The following PIK3R1 variants were observed in gnomAD, a reference collection of about 807,000 sequenced individuals.
PIK3R1 encodes the protein phosphoinositide-3-kinase regulatory subunit 1, also known as phosphatidylinositol 3-kinase regulatory subunit alpha.
PIK3R1 carries 29 observed loss-of-function variants against 98.0 expected under a neutral mutation model. The observed-to-expected ratio is 0.30, with a 90% CI of 0.22 to 0.40. The LOEUF is 0.40. Among genes scored for constraint, PIK3R1 ranks in the 10% least tolerant of loss-of-function variants. The pLI is 1.00. For synonymous variants in PIK3R1, 282 were observed against 311.8 expected, an observed-to-expected ratio of 0.90 and a Z score of 1.01; for missense variants, 596 against 872.7, an observed-to-expected ratio of 0.68 and a Z score of 3.99.
chr5:68,279,951 G>A (rs951598412), intron 5 of PIK3R1, among the ~76,000 whole-genome samples: 5 of 152,200 alleles, frequency 3.3e-5, no homozygotes, highest in Non-Finnish European at 5.9e-5. Context: ...GTCAGAATCA[G>A]AAATGGCTCA....
chr5:68,245,032 T>A (rs1446909042), intron 2 of PIK3R1, among the ~76,000 whole-genome samples: 2 of 152,188 alleles, frequency 1.3e-5, no homozygotes, highest in Non-Finnish European at 2.9e-5. Context: ...TCCAAGTCAC[T>A]CTGCTTTGGG....
In PIK3R1 at chr5:68,280,743, G is replaced by A. The variant is rs765307665; in HGVS notation, c.836+14G>A. ...CTCAGCAGCCAGGTAAGTGAAAGGA[G>A]ACAAACATGTATTTTGGGGTGATGA... On this transcript the variant is annotated intron_variant, in intron 6 of 15. Transcript: ENST00000521381. 10 of 1,610,548 alleles carry A rather than the reference G, an allele frequency of 6.2e-6. No homozygotes were observed. The highest frequency in any genetic ancestry group is 7.6e-6 in the Non-Finnish European group (9 of 1,176,902).
At chr5:68,296,069 G>A in intron 14 of PIK3R1, 102 bp from the exon 15 acceptor site, 1 of 1,124,658 alleles carries the variant, frequency 8.9e-7, no homozygotes, top group Non-Finnish European at 1.3e-6. Context: ...GGCTTGGTAG[G>A]GGCCAGGAGG....
At chr5:68,249,207 G>C (rs1234353435) in intron 2 of PIK3R1, among the ~76,000 whole-genome samples, 1 of 152,110 alleles carries the variant, frequency 6.6e-6, no homozygotes, top group Non-Finnish European at 1.5e-5. Flanking sequence ...AGGAATATAT[G>C]CTTACTCATT....
chr5:68,279,932 C>T (rs1349652818), intron 5 of PIK3R1, among the ~76,000 whole-genome samples, 199 bp downstream of exon 5: 1 of 152,138 alleles, frequency 6.6e-6, no homozygotes, highest in Non-Finnish European at 1.5e-5. Context: ...TTGGGAAGCC[C>T]GTCTGCATGT....
intron 5 of PIK3R1, chr5:68,280,244 T>C (rs1219674675): frequency 4.3e-6 from 2 of 462,454 alleles, no homozygotes; most frequent in Admixed American, 3.9e-5. Flanking sequence ...CCAATCACAC[T>C]TGAAGCTGCT....
chr5:68,269,850 G>T (rs561564601), intron 2 of PIK3R1, among the ~76,000 whole-genome samples: 7 of 150,604 alleles, frequency 4.6e-5, no homozygotes, highest in African/African-American at 9.8e-5. Context: ...CAGACATTTT[G>T]TACTAAGGAA....
At chr5:68,242,273 T>C (rs251407) in intron 2 of PIK3R1, among the ~76,000 whole-genome samples, 133,334 of 152,264 alleles carry the variant, frequency 0.88, 58,734 homozygotes, top group African/African-American at 0.97. Flanking sequence ...ACTTAGAGGT[T>C]TTGGGGCTAG....
At chr5:68,270,709 TAATA>T (rs2112153906) in intron 2 of PIK3R1, among the ~76,000 whole-genome samples, 1 of 152,314 alleles carries the variant, frequency 6.6e-6, no homozygotes, top group Admixed American at 6.5e-5. Flanking sequence ...TAATGGATCT[TAATA>T]AATAACACTT....
chr5:68,284,592 T>C (rs1747003858), intron 7 of PIK3R1, among the ~76,000 whole-genome samples: 1 of 152,256 alleles, frequency 6.6e-6, no homozygotes, highest in South Asian at 2.1e-4. Flanking sequence ...CCGTTTTATA[T>C]GCAAGTTAAG....
chr5:68,220,422 G>C (rs116634876), intron 1 of PIK3R1, among the ~76,000 whole-genome samples: 2 of 152,104 alleles, frequency 1.3e-5, no homozygotes, highest in Non-Finnish European at 2.9e-5. Context: ...TGGGTGATAG[G>C]ATCTGTCTGT....
chr5:68,229,884 G>T (rs538417629), intron 2 of PIK3R1, among the ~76,000 whole-genome samples: 10 of 152,338 alleles, frequency 6.6e-5, no homozygotes, highest in Admixed American at 2.6e-4. Context: ...TTTGCATGCA[G>T]TTTTTAGGAA....
chr5:68,280,633 T>A lies in PIK3R1; in HGVS notation c.740T>A (p.Phe247Tyr). ...WLTLQYLLKH[F>Y]FKLSQTSSKN... ...ACGCTTCAGTATTTGTTAAAACATT[T>A]CTTCAAGCTCTCTCAAACCTCCAGC... Residue 247 changes from phenylalanine to tyrosine, a missense_variant, in exon 6 of 16, where the codon TTC becomes TAC. Physicochemically the swap from Phe to Tyr is conservative, Grantham distance 22 (BLOSUM62 3). This residue lies in a region of PIK3R1 where 352 missense variants were observed against 393.3 expected (regional missense o/e 0.90). Coordinates refer to ENST00000521381, the MANE Select transcript of PIK3R1 (RefSeq NM_181523.3). The A allele has an allele frequency of 6.2e-7, 1 of 1,614,030 alleles. No individual in the cohort carries two copies. Among genetic ancestry groups the A allele is most frequent in the Non-Finnish European group, 8.5e-7 (1 of 1,179,886 alleles).
chr5:68,258,800 C>T (rs979660128), intron 2 of PIK3R1, among the ~76,000 whole-genome samples: 6 of 152,134 alleles, frequency 3.9e-5, no homozygotes, highest in African/African-American at 9.7e-5. Context: ...TTGTGACAAA[C>T]GCCAGGATGC....
chr5:68,229,658 C>A (rs1290945917), intron 2 of PIK3R1, among the ~76,000 whole-genome samples: 1 of 152,130 alleles, frequency 6.6e-6, no homozygotes, highest in Non-Finnish European at 1.5e-5. Context: ...TCCTGCTGAG[C>A]CTTGCTGCCC....
chr5:68,296,356 C>A lies in PIK3R1; in HGVS notation c.1985+15C>A. On this transcript the variant is annotated intron_variant, in intron 15 of 15. Coordinates refer to ENST00000521381, the MANE Select transcript of PIK3R1 (RefSeq NM_181523.3). ...TGCTCTGTAGTGTATGTATCTCCAG[C>A]AAACTTTTCTTTACAACATCTCATG... 6.3e-7 allele frequency: 1 copy of A among 1,587,292 alleles called. No individual in the cohort carries two copies. The highest frequency in any genetic ancestry group is 1.7e-4 in the Middle Eastern group (1 of 5,960).
chr5:68,217,645 T>TGGGG lies in PIK3R1; in HGVS notation c.-387+1697_-387+1698insGGGG, dbSNP rs1224108539. The TGGGG allele has an allele frequency of 2.4e-4, 32 of 135,514 alleles. 1 individual carries two copies. The highest frequency in any genetic ancestry group is 9.6e-4 in the African/African-American group (32 of 33,334). The allele number at this position is 135,514 out of a possible 1,614,324, so 8.4% of individuals were successfully genotyped here. On this transcript the variant is annotated intron_variant, in intron 1 of 15. Coordinates refer to ENST00000521381, the MANE Select transcript of PIK3R1 (RefSeq NM_181523.3). ...ATGTGTGGGGGTGTGTGTGTGTGTG[T>TGGGG]GTGTGTGTGCGCGCGCGTGCCTGCG...
chr5:68,272,983 TG>T (rs1746423691), intron 2 of PIK3R1, among the ~76,000 whole-genome samples: 1 of 152,196 alleles, frequency 6.6e-6, no homozygotes, highest in Non-Finnish European at 1.5e-5. Flanking sequence ...TTCAGGTTCT[TG>T]GGCTCCTGAG....
chr5:68,292,024 G>A, intron 7 of PIK3R1: 1 of 348,000 alleles, frequency 2.9e-6, no homozygotes. Context: ...CAATTTATTT[G>A]TTAGTTTCTA....
Sources: allele counts gnomAD v4.1 joint callset (sites outside exome capture counted in the v4.1 genomes callset), GRCh38; gene constraint gnomAD v4.1.1; regional missense constraint gnomAD v4.1.1; transcripts MANE v1.5; gene names NCBI Gene and HGNC (gene_info 2026-07-23, HGNC 2026-07-21).